Variants in CEP152 observed in about 807,000 individuals in gnomAD.
CEP152 encodes the protein centrosomal protein of 152 kDa.
Under a neutral mutation model 188.9 loss-of-function variants are expected in CEP152, and 132 were observed. The ratio of observed to expected loss-of-function variants is 0.70; its 90% CI spans 0.61 to 0.81. The LOEUF (loss-of-function observed/expected upper bound fraction) is 0.81. Ranked by LOEUF, CEP152 falls within the 30% of genes least tolerant of loss-of-function variation. The pLI is 0.00. For missense variants in CEP152, 1,914 were observed against 1,969.8 expected (o/e 0.97, Z 0.54); for synonymous variants, 649 against 666.6 (o/e 0.97, Z 0.41).
chr15:48,747,866 A>C (rs1446964238), intron 22 of CEP152, among the ~76,000 whole-genome samples: 1 of 152,168 alleles, frequency 6.6e-6, no homozygotes. Flanking sequence ...CATTGTGATG[A>C]ATGGACTAGA....
rs893295538 is a variant in CEP152, at chr15:48,738,859, G to A, written c.4523C>T (p.Pro1508Leu). The part of the protein sequence containing the change: ...FLGTLGNKPS[P>L]RCTPGPSESG... ...TTCAGAAGGACCAGGGGTACATCTA[G>A]GTGAGGGTTTATTTCCTAAGGTTCC... The change falls in exon 27 of 27, where the codon CCT (proline) becomes CTT (leucine). Residue 1508 changes from proline to leucine, a missense_variant. Physicochemically the swap from Pro to Leu is moderately conservative, Grantham distance 98. Coordinates refer to ENST00000380950, the MANE Select transcript of CEP152 (RefSeq NM_001194998.2). The A allele has an allele frequency of 6.2e-7, 1 of 1,614,206 alleles. No homozygotes were observed. The highest frequency in any genetic ancestry group is 8.5e-7 in the Non-Finnish European group (1 of 1,180,028).
chr15:48,765,591 T>A, intron 17 of CEP152: 1 of 424,680 alleles, frequency 2.4e-6, no homozygotes, highest in Non-Finnish European at 4.6e-6. Flanking sequence ...CAGAAAATAT[T>A]CCTGGAATGA....
chr15:48,756,256 T>C lies in CEP152; in HGVS notation c.2992A>G (p.Lys998Glu). ...NKINEVLAAA[K>E]EDFMKQKTEL... ...GTTTTTTGTTTCATAAAGTCTTCTT[T>C]AGCTGCCGCAAGCACCTCATTAATT... The change falls in exon 20 of 27, where the codon AAA becomes GAA. Residue 998 changes from lysine (K) to glutamate (E), a missense_variant. Lys to Glu is a moderately conservative substitution (Grantham distance 56). Coordinates refer to ENST00000380950, the MANE Select transcript of CEP152 (RefSeq NM_001194998.2). 6.2e-7 allele frequency: 1 copy of C among 1,602,468 alleles called. No homozygotes were observed.
rs114351027 is a variant in CEP152, at chr15:48,742,343, G to A, written c.3836-243C>T. Among the ~76,000 whole-genome samples, 513 of 152,246 alleles carry A rather than the reference G, an allele frequency of 3.4e-3. 5 individuals carry two copies. The highest frequency in any genetic ancestry group is 0.012 in the African/African-American group (495 of 41,536). Reference sequence around the variant, plus strand: ...CAGCTACATATAGTAAGGAAACATGGCATATTCCCCAGCTAAATTTTGTCA... The same window carrying A: ...CAGCTACATATAGTAAGGAAACATGACATATTCCCCAGCTAAATTTTGTCA... On this transcript the variant is annotated intron_variant, in intron 24 of 26. Transcript: ENST00000380950.
chr15:48,764,596 T>C (rs1389674182), intron 17 of CEP152, among the ~76,000 whole-genome samples: 1 of 152,198 alleles, frequency 6.6e-6, no homozygotes, highest in African/African-American at 2.4e-5. Flanking sequence ...TTGACCATCT[T>C]TGCCTTGTCT....
intron 20 of CEP152, 136 bp from the exon 21 acceptor site, chr15:48,752,605 T>A (rs1248726025): frequency 7.1e-7 from 1 of 1,418,210 alleles, no homozygotes; most frequent in African/African-American, 1.4e-5. Flanking sequence ...ATCGCCAATA[T>A]TTTTCTTAGG....
At chr15:48,785,028 T>A (rs1896530543) in intron 9 of CEP152, among the ~76,000 whole-genome samples, 1 of 152,096 alleles carries the variant, frequency 6.6e-6, no homozygotes, top group African/African-American at 2.4e-5. Flanking sequence ...ATGAGTTAAG[T>A]TGATTAACTG....
intron 15 of CEP152, 47 bp downstream of exon 15, chr15:48,768,172 G>A: frequency 1.8e-6 from 2 of 1,081,266 alleles, no homozygotes; most frequent in Non-Finnish European, 2.9e-6. Flanking sequence ...GACTTAGAGG[G>A]GAAGGGTACC....
chr15:48,755,594 A>G (rs1488416126), intron 20 of CEP152, among the ~76,000 whole-genome samples: 1 of 152,128 alleles, frequency 6.6e-6, no homozygotes, highest in African/African-American at 2.4e-5. Flanking sequence ...GGTTTGCTGC[A>G]CCTATCAACC....
At chr15:48,742,155 GA>G in intron 24 of CEP152, 55 bp from the exon 25 acceptor site, 1 of 1,514,346 alleles carries the variant, frequency 6.6e-7, no homozygotes, top group Non-Finnish European at 9.2e-7. Context: ...CACTTTTTCA[GA>G]AACAGGAGGG....
At chr15:48,766,783 G>C (rs1462962475) in intron 17 of CEP152, among the ~76,000 whole-genome samples, 1 of 148,246 alleles carries the variant, frequency 6.7e-6, no homozygotes, top group Non-Finnish European at 1.5e-5. Flanking sequence ...AAGTGACACT[G>C]ATCCTTTTTT....
chr15:48,766,908 G>A lies in CEP152; in HGVS notation c.2280+152C>T, dbSNP rs1402512321. The A allele has an allele frequency of 3.3e-6, 3 of 903,782 alleles. No individual in the cohort carries two copies. The African/African-American group carries it at 5.0e-5, about 15-fold the overall frequency. 56.0% of individuals were successfully genotyped at this position (903,782 alleles called of 1,614,324 possible). A position where few individuals can be genotyped will look rare whatever the true frequency, so the allele number is the denominator to read the frequency against. Reference sequence around the variant, plus strand: ...TTTCAGTAATTACTGTATTTTATTTGTGAGCTATATGAGTGTGATACAGCC... The same window carrying A: ...TTTCAGTAATTACTGTATTTTATTTATGAGCTATATGAGTGTGATACAGCC... On this transcript the variant is annotated intron_variant, in intron 17 of 26. Coordinates refer to ENST00000380950, the MANE Select transcript of CEP152 (RefSeq NM_001194998.2).
At chr15:48,792,820 CT>C (rs750579289) in intron 7 of CEP152, among the ~76,000 whole-genome samples, 407 of 142,276 alleles carry the variant, frequency 2.9e-3, no homozygotes, top group East Asian at 0.022. Context: ...AATAGAGTGT[CT>C]TTTTTTTTTT....
At chr15:48,740,684 G>A (rs1205518979) in intron 26 of CEP152, 1 of 138,946 alleles carries the variant, frequency 7.2e-6, no homozygotes, top group Non-Finnish European at 1.5e-5. Context: ...GAGTGCAGTG[G>A]TGCGATCACA....
intron 11 of CEP152, 43 bp downstream of exon 11, chr15:48,782,096 A>C: frequency 6.5e-7 from 1 of 1,541,558 alleles, no homozygotes; most frequent in Non-Finnish European, 9.0e-7. Flanking sequence ...ACTACTGCCT[A>C]ATTCAGATAC....
intron 6 of CEP152, among the ~76,000 whole-genome samples, chr15:48,795,427 C>T (rs1347364749): frequency 6.6e-6 from 1 of 151,984 alleles, no homozygotes; most frequent in African/African-American, 2.4e-5. Flanking sequence ...TCTATATAGT[C>T]AAAAATCTGA....
chr15:48,797,206 C>T (rs1897350167), intron 5 of CEP152, 95 bp downstream of exon 5: 1 of 1,390,748 alleles, frequency 7.2e-7, no homozygotes, highest in Non-Finnish European at 1.0e-6. Context: ...AATCATCTTA[C>T]CATTGTACTC....
At chr15:48,779,950 G>A (rs977902613) in intron 12 of CEP152, among the ~76,000 whole-genome samples, 1 of 152,236 alleles carries the variant, frequency 6.6e-6, no homozygotes, top group African/African-American at 2.4e-5. Flanking sequence ...ACGTAAATGT[G>A]TAGAGCTATT....
intron 10 of CEP152, chr15:48,783,518 T>C (rs1043731951): frequency 6.6e-6 from 1 of 152,098 alleles, no homozygotes; most frequent in Non-Finnish European, 1.5e-5. Context: ...AATTACCCTA[T>C]AATGTATTTT....
Sources: allele counts gnomAD v4.1 joint callset (sites outside exome capture counted in the v4.1 genomes callset), GRCh38; gene constraint gnomAD v4.1.1; transcripts MANE v1.5; gene names NCBI Gene and HGNC (gene_info 2026-07-23, HGNC 2026-07-21).